EPN1: variants seen among roughly 807,000 people sequenced by gnomAD.
EPN1 encodes epsin-1.
A neutral mutation model predicts 56.9 loss-of-function variants in EPN1; 25 were observed. The ratio of observed to expected loss-of-function variants is 0.44; its 90% CI spans 0.32 to 0.61. EPN1 has a LOEUF of 0.61. Ranked by LOEUF, EPN1 falls within the 20% of genes least tolerant of loss-of-function variation. EPN1 has a pLI of 0.05. For synonymous variants in EPN1, 411 were observed against 361.8 expected, an observed-to-expected ratio of 1.14 and a Z score of -1.54; for missense variants, 785 against 823.7, an observed-to-expected ratio of 0.95 and a Z score of 0.58.
At position 55,692,014 on chromosome 19, in the gene EPN1, A is replaced by G. The variant is rs768488143; in HGVS notation, c.1023A>G (p.Ala341=). ...CTTGGGGTGGGACCCCAGCCCCTGCAGCTGGGGAGGGGCCCACGCCTGATC... is the reference window on the plus strand; with the variant it reads ...CTTGGGGTGGGACCCCAGCCCCTGCGGCTGGGGAGGGGCCCACGCCTGATC... ...VDPWGGTPAP[A]AGEGPTPDPW... Residue 341 remains alanine (A), a synonymous_variant, in exon 7 of 11, where the codon GCA becomes GCG. Transcript: ENST00000270460. 6.8e-7 allele frequency: 1 copy of G among 1,475,402 alleles called. No homozygotes were observed. The highest frequency in any genetic ancestry group is 8.9e-7 in the Non-Finnish European group (1 of 1,120,734). The allele number at this position is 1,475,402 out of a possible 1,614,324, so 91.4% of individuals were successfully genotyped here. A position where few individuals can be genotyped will look rare whatever the true frequency, so the allele number is the denominator to read the frequency against.
rs1987294063 is a variant in EPN1 at position 55,704,387 on chromosome 19, G to A, written c.*9031G>A. 1 of 152,274 alleles carries A rather than the reference G, an allele frequency of 6.6e-6. No individual in the cohort carries two copies. Among genetic ancestry groups the A allele is most frequent in the Non-Finnish European group, 1.5e-5 (1 of 68,082 alleles). 9.4% of individuals were successfully genotyped at this position (152,274 alleles called of 1,614,324 possible). On this transcript the variant is annotated 3_prime_UTR_variant, in exon 11 of 11. Transcript: ENST00000270460. ...ACAAGGTAAGTAAGGTTAAAATGAG[G>A]ACATTAGGGTGGGTCCTAATCCAAT...
rs1568574551 is a variant in EPN1, at chr19:55,690,029, C to A, written c.762+79C>A. On this transcript the variant is annotated intron_variant, in intron 6 of 10. Transcript: ENST00000270460. ...ATCGCTCATTCCTGCGTGGCCAGGT[C>A]CCTGGAGCAGAGACTGAAACACAAG... 1.4e-5 allele frequency: 19 copies of A among 1,356,572 alleles called. No homozygotes were observed. The South Asian group carries it at 2.5e-4, about 18-fold the overall frequency. 84.0% of individuals were successfully genotyped at this position (1,356,572 alleles called of 1,614,324 possible).
chr19:55,691,926 C>G lies in EPN1; in HGVS notation c.935C>G (p.Ala312Gly), dbSNP rs193174793. Residue 312 changes from alanine to glycine, a missense_variant, in exon 7 of 11, where the codon GCC becomes GGC. Around this residue, in one of 2 missense-constraint regions of EPN1, gnomAD observed 650 missense variants for 605.0 expected, o/e 1.07. Transcript: ENST00000270460. The surrounding 1 kb of genome is among the most constrained non-coding windows in gnomAD (Gnocchi z 5.6). ...GCTGCTGATCCCTGGGGAGGTCCAG[C>G]CCCCACGCCGGCCTCTGGGGACCCC... ...PPAADPWGGP[A>G]PTPASGDPWR... 3.8e-6 allele frequency: 6 copies of G among 1,559,146 alleles called. No individual in the cohort carries two copies. Among genetic ancestry groups the G allele is most frequent in the African/African-American group, 1.4e-5 (1 of 73,218 alleles).
intron 2 of EPN1, among the ~76,000 whole-genome samples, chr19:55,683,136 A>G (rs759618906): frequency 1.3e-5 from 2 of 151,388 alleles, no homozygotes; most frequent in Non-Finnish European, 1.5e-5. Flanking sequence ...GCTCACTGCA[A>G]CCTCTGCCTC....
chr19:55,689,077 C>A lies in EPN1; in HGVS notation c.603+83C>A. ...GGCTCCCTCCCAGCCAGGCGTGGGC[C>A]TGGCCCTCACTGTCGCTGCTCCACA... On this transcript the variant is annotated intron_variant, in intron 4 of 10. Coordinates refer to ENST00000270460, the MANE Select transcript of EPN1 (RefSeq NM_001130072.2). The surrounding 1 kb of genome is among the most constrained non-coding windows in gnomAD (Gnocchi z 5.7). The A allele has an allele frequency of 6.8e-7, 1 of 1,467,238 alleles. No homozygotes were observed. The highest frequency in any genetic ancestry group is 9.0e-7 in the Non-Finnish European group (1 of 1,106,994). 90.9% of individuals were successfully genotyped at this position (1,467,238 alleles called of 1,614,324 possible).
Position 55,689,597 on chromosome 19 carries a change from C to T in EPN1, c.678+226C>T, listed in dbSNP as rs1275759293. 1.3e-5 allele frequency among the ~76,000 whole-genome samples: 2 copies of T among 152,146 alleles called. No individual in the cohort carries two copies. Among genetic ancestry groups the T allele is most frequent in the Admixed American group, 6.5e-5 (1 of 15,288 alleles). ...CAAGGTTGCTCGGGTGACCAGGGTCCCTTCCTCCCCCCAACGCAGGAGATA... is the reference window on the plus strand; with the variant it reads ...CAAGGTTGCTCGGGTGACCAGGGTCTCTTCCTCCCCCCAACGCAGGAGATA... On this transcript the variant is annotated intron_variant, in intron 5 of 10. Transcript: ENST00000270460. This position sits in a 1 kb window ranked among gnomAD's most constrained non-coding sequence, Gnocchi z 5.7.
At chr19:55,692,573 G>C (rs1309786196) in intron 7 of EPN1, 113 bp from the exon 8 acceptor site, 5 of 663,642 alleles carry the variant, frequency 7.5e-6, no homozygotes, top group African/African-American at 7.4e-5. Flanking sequence ...GTGGGTTTCT[G>C]GGGGGCAGGG....
intron 9 of EPN1, among the ~76,000 whole-genome samples, chr19:55,693,819 G>A (rs1021789427): frequency 5.3e-5 from 8 of 152,172 alleles, no homozygotes; most frequent in African/African-American, 1.9e-4. Flanking sequence ...GGTTAACGTA[G>A]AGCAACCTTC....
chr19:55,688,817 C>T (rs1600103966), intron 3 of EPN1, 53 bp from the exon 4 acceptor site: 2 of 1,553,968 alleles, frequency 1.3e-6, no homozygotes, highest in East Asian at 2.4e-5. Flanking sequence ...TATGGGGTTT[C>T]CTGTCTCTCG....
chr19:55,679,317 C>T (rs1985649371), intron 2 of EPN1, among the ~76,000 whole-genome samples: 1 of 152,258 alleles, frequency 6.6e-6, no homozygotes, highest in South Asian at 2.1e-4. Context: ...GGTCCAGGGG[C>T]CTTGGCATCC....
In EPN1 at chr19:55,691,228, C is replaced by T. The variant is rs1013462394; in HGVS notation, c.763-526C>T. On this transcript the variant is annotated intron_variant, in intron 6 of 10. Transcript: ENST00000270460. The surrounding 1 kb of genome is among the most constrained non-coding windows in gnomAD (Gnocchi z 5.6). ...GGGAAGGCCTGCAGCGCGATGACTG[C>T]GGGGTGACGGCGGGGCAACGTAGGG... is the stretch of plus-strand genomic sequence containing the variant. Among the ~76,000 whole-genome samples the T allele has an allele frequency of 7.9e-5, 12 of 151,736 alleles. No individual in the cohort carries two copies. The highest frequency in any genetic ancestry group is 2.4e-4 in the African/African-American group (10 of 41,236).
chr19:55,681,854 C>G (rs1404975728), intron 2 of EPN1, among the ~76,000 whole-genome samples: 1 of 151,962 alleles, frequency 6.6e-6, no homozygotes. Flanking sequence ...GTAGCCCAGG[C>G]TGGAATCCAG....
In EPN1 at chr19:55,700,616, T is replaced by C. The variant is rs886671615; in HGVS notation, c.*5260T>C. ...AAGCACACAAAACTATAGACAATAT[T>C]ATCATAACCACCCCTGCAAATGCCT... is the stretch of plus-strand genomic sequence containing the variant. On this transcript the variant is annotated 3_prime_UTR_variant, in exon 11 of 11. Coordinates refer to ENST00000270460, the MANE Select transcript of EPN1 (RefSeq NM_001130072.2). 2 of 152,198 alleles carry C rather than the reference T, an allele frequency of 1.3e-5. No homozygotes were observed. Among genetic ancestry groups the C allele is most frequent in the Non-Finnish European group, 2.9e-5 (2 of 68,034 alleles). 9.4% of individuals were successfully genotyped at this position (152,198 alleles called of 1,614,324 possible). A position where few individuals can be genotyped will look rare whatever the true frequency, so the allele number is the denominator to read the frequency against.
chr19:55,685,984 C>A (rs1600101432), intron 3 of EPN1, among the ~76,000 whole-genome samples: 1 of 152,254 alleles, frequency 6.6e-6, no homozygotes, highest in Non-Finnish European at 1.5e-5. Context: ...CAGTGACCCC[C>A]GAGGGTGCTG....
At chr19:55,678,486 A>C in intron 1 of EPN1, 41 bp from the exon 2 acceptor site, 1 of 1,509,666 alleles carries the variant, frequency 6.6e-7, no homozygotes, top group South Asian at 1.3e-5. Context: ...TGGGCAGGCC[A>C]TGTCCCATTT....
At chr19:55,677,719 C>G (rs1245192916) in intron 1 of EPN1, 5 of 1,547,060 alleles carry the variant, frequency 3.2e-6, no homozygotes, top group Non-Finnish European at 4.4e-6. Context: ...TTCCCCGGTT[C>G]TTCCTGCCGC....
chr19:55,693,251 C>G lies in EPN1; in HGVS notation c.1264+214C>G, dbSNP rs1986697741. On this transcript the variant is annotated intron_variant, in intron 9 of 10. Transcript: ENST00000270460. ...GAGAAATTGCAGACTTAGAGAAAAA[C>G]TGAGAATTGTTCTCAAGGTTTCCCA... is the stretch of plus-strand genomic sequence containing the variant. 5 of 555,950 alleles carry G rather than the reference C, an allele frequency of 9.0e-6. No individual in the cohort carries two copies. The East Asian group carries it at 1.2e-4, about 13-fold the overall frequency. 34.4% of individuals were successfully genotyped at this position (555,950 alleles called of 1,614,324 possible).
chr19:55,677,993 C>T (rs778439297), intron 1 of EPN1, among the ~76,000 whole-genome samples: 5 of 152,280 alleles, frequency 3.3e-5, no homozygotes, highest in African/African-American at 7.2e-5. Flanking sequence ...CAGAATCAGA[C>T]GAGAATATAA....
At chr19:55,678,405 G>C in intron 1 of EPN1, 122 bp from the exon 2 acceptor site, 2 of 1,034,530 alleles carry the variant, frequency 1.9e-6, no homozygotes. Context: ...GTTACTTTGA[G>C]ACCTAGAGGT....
Sources: gnomAD v4.1 joint callset for allele counts (sites outside exome capture counted in the v4.1 genomes callset) on GRCh38, gnomAD v4.1.1 for gene constraint, gnomAD v4.1.1 regional missense constraint, Gnocchi (gnomAD v3.1) non-coding constraint, MANE v1.5 for transcripts, NCBI Gene and HGNC (gene_info 2026-07-23, HGNC 2026-07-21) for gene names.